MZT2A: variants seen among roughly 807,000 people sequenced by gnomAD.
MZT2A encodes mitotic spindle organizing protein 2A, also known as mitotic-spindle organizing protein 2A.
A neutral mutation model predicts 12.4 loss-of-function variants in MZT2A; 8 were observed. That is an observed-to-expected ratio of 0.64 (90% CI 0.38 to 1.16). The LOEUF is 1.16. MZT2A is among the 50% of genes most tolerant of loss of function. The pLI, the probability that MZT2A is intolerant of heterozygous loss-of-function variation, is 0.01. For synonymous variants in MZT2A, 88 were observed against 107.5 expected, an observed-to-expected ratio of 0.82 and a Z score of 1.12; for missense variants, 181 against 223.6, an observed-to-expected ratio of 0.81 and a Z score of 1.22.
At chr2:131,482,671 C>G, downstream of MZT2A, 2 of 1,614,130 alleles carry the variant, frequency 1.2e-6, no homozygotes, top group Non-Finnish European at 1.7e-6. Flanking sequence ...CCCGCCTGGA[C>G]CATAAGTTCG....
At chr2:131,490,620 C>G (rs1365385300) in intron 2 of MZT2A, 5 of 1,548,140 alleles carry the variant, frequency 3.2e-6, no homozygotes, top group Non-Finnish European at 4.4e-6. Context: ...CCTGCCCTTG[C>G]AGCTCAAAGC....
intron 2 of MZT2A, chr2:131,475,951 C>T (rs1399297132): frequency 1.0e-5 from 7 of 682,626 alleles, no homozygotes; most frequent in Non-Finnish European, 1.4e-5. Flanking sequence ...TGATGACCCC[C>T]GCTGCCTTCC....
intron 2 of MZT2A, chr2:131,490,762 G>T (rs1199402506): frequency 1.3e-6 from 2 of 1,549,624 alleles, no homozygotes; most frequent in Admixed American, 2.0e-5. Flanking sequence ...AACCCGGGGG[G>T]CCTGGAGAGA....
chr2:131,483,782 T>G (rs918399703), downstream of MZT2A, among the ~76,000 whole-genome samples: 1 of 152,138 alleles, frequency 6.6e-6, no homozygotes, highest in Non-Finnish European at 1.5e-5. Context: ...TGTTGATGTC[T>G]ATTTATAAAA....
chr2:131,482,963 T>C, downstream of MZT2A: 1 of 1,505,284 alleles, frequency 6.6e-7, no homozygotes, highest in South Asian at 1.3e-5. Context: ...AGCTTAGCTC[T>C]GCCTACAGGA....
chr2:131,480,378 C>A, downstream of MZT2A: 1 of 1,607,654 alleles, frequency 6.2e-7, no homozygotes, highest in South Asian at 1.1e-5. Flanking sequence ...CAACCTCAAT[C>A]GCCTGATTGG....
At chr2:131,485,173 G>A (rs914980609) in intron 2 of MZT2A, among the ~76,000 whole-genome samples, 39 of 152,226 alleles carry the variant, frequency 2.6e-4, no homozygotes, top group African/African-American at 9.1e-4. Context: ...CTCTAAACAG[G>A]GCGTGTGTCC....
rs896311903 is a variant in MZT2A at position 131,491,033 on chromosome 2, T to C, written c.319+843A>G. 4.2e-5 allele frequency: 54 copies of C among 1,298,724 alleles called. No homozygotes were observed. In the Middle Eastern group the frequency reaches 5.4e-4, roughly 13 times the overall value. 80.5% of individuals were successfully genotyped at this position (1,298,724 alleles called of 1,614,324 possible). A position where few individuals can be genotyped will look rare whatever the true frequency, so the allele number is the denominator to read the frequency against. On this transcript the variant is annotated intron_variant, in intron 2 of 2. Coordinates refer to ENST00000309451, the MANE Select transcript of MZT2A (RefSeq NM_001085365.2). The stretch of plus-strand genomic sequence containing the variant: ...ACTTCCCCCATGAAGGCAGCCTGCT[T>C]TCCACGCCTTCTCATGATGCCTGTG...
chr2:131,472,070 T>G (rs1261848110), exon 3 of MZT2A: 2 of 1,290,284 alleles, frequency 1.6e-6, no homozygotes, highest in Admixed American at 2.3e-5. Flanking sequence ...CTGCCTACCT[T>G]GTGCATGTCC....
chr2:131,490,862 C>A (rs923445875), intron 2 of MZT2A: 2 of 1,549,906 alleles, frequency 1.3e-6, no homozygotes, highest in Non-Finnish European at 1.7e-6. Context: ...TGCAGGGGGG[C>A]TACTGTTCCT....
At chr2:131,476,142 G>C in intron 2 of MZT2A, 2 of 1,612,996 alleles carry the variant, frequency 1.2e-6, no homozygotes, top group Admixed American at 1.7e-5. Flanking sequence ...GCGCTCAGCA[G>C]CTGTGGCAGC....
At chr2:131,493,228 G>A, upstream of MZT2A, 1 of 1,368,668 alleles carries the variant, frequency 7.3e-7, no homozygotes, top group Non-Finnish European at 9.4e-7. Flanking sequence ...GTTCCTCCGC[G>A]AGCCCCAGGA....
downstream of MZT2A, chr2:131,482,405 G>C (rs1051453706): frequency 1.1e-3 from 1,468 of 1,325,870 alleles, 2 homozygotes; most frequent in Non-Finnish European, 1.3e-3. Context: ...ACCCTGCCTG[G>C]TGCAGAGAAG....
At chr2:131,490,701 A>C (rs199918544) in intron 2 of MZT2A, 1 of 1,549,632 alleles carries the variant, frequency 6.5e-7, no homozygotes, top group East Asian at 2.4e-5. Flanking sequence ...GAGATAAGCC[A>C]ATAAACGCAA....
At chr2:131,483,912 C>G, downstream of MZT2A, 25 of 1,408,236 alleles carry the variant, frequency 1.8e-5, no homozygotes, top group Non-Finnish European at 2.3e-5. Context: ...AAACTTCATT[C>G]TAAGTGTGCC....
chr2:131,483,463 C>T (rs1162176471), downstream of MZT2A, among the ~76,000 whole-genome samples: 1 of 152,158 alleles, frequency 6.6e-6, no homozygotes, highest in Non-Finnish European at 1.5e-5. Context: ...CCCTGTCCCT[C>T]AGCACTGTCA....
intron 3 of MZT2A, among the ~76,000 whole-genome samples, chr2:131,471,451 AAAAAAAG>A (rs1350505269): frequency 0.022 from 3,068 of 137,274 alleles, 371 homozygotes; most frequent in African/African-American, 0.1. Context: ...CTCAAAAAAA[AAAAAAAG>A]AAAAAAAGAA....
At chr2:131,485,629 C>T (rs907777476) in intron 2 of MZT2A, among the ~76,000 whole-genome samples, 1 of 152,176 alleles carries the variant, frequency 6.6e-6, no homozygotes. Context: ...AGGTTTGGGG[C>T]AGTCCCGTGT....
chr2:131,470,444 T>C, intron 3 of MZT2A: 1 of 897,324 alleles, frequency 1.1e-6, no homozygotes, highest in Non-Finnish European at 1.5e-6. Flanking sequence ...TGACAGCCAA[T>C]GCTGGTTACA....
Sources: allele counts gnomAD v4.1 joint callset (sites outside exome capture counted in the v4.1 genomes callset), GRCh38; gene constraint gnomAD v4.1.1; transcripts MANE v1.5; gene names NCBI Gene and HGNC (gene_info 2026-07-23, HGNC 2026-07-21).